ADARB2: variants seen among roughly 807,000 people sequenced by gnomAD.
ADARB2 encodes the protein inactive double-stranded RNA-specific editase B2.
Under a neutral mutation model 62.2 loss-of-function variants are expected in ADARB2, and 25 were observed. That is an observed-to-expected ratio of 0.40 (90% CI 0.29 to 0.56). ADARB2 has a LOEUF of 0.56. Among genes scored for constraint, ADARB2 ranks in the 20% least tolerant of loss-of-function variants. The probability of loss-of-function intolerance (pLI) is 0.43; values close to 1 mark genes in which losing one functional copy is unlikely to be tolerated. For missense variants in ADARB2, 1,071 were observed against 1,077.4 expected (o/e 0.99, Z 0.08); for synonymous variants, 572 against 500.8 (o/e 1.14, Z -1.90).
chr10:1,185,682 A>G (rs1032634670), intron 8 of ADARB2, among the ~76,000 whole-genome samples: 3 of 152,154 alleles, frequency 2.0e-5, no homozygotes, highest in African/African-American at 7.2e-5. Flanking sequence ...TAAACCAAGC[A>G]TGGGTTCGTC....
intron 1 of ADARB2, among the ~76,000 whole-genome samples, chr10:1,475,892 C>T (rs1831393638): frequency 6.6e-6 from 1 of 152,130 alleles, no homozygotes; most frequent in Admixed American, 6.5e-5. Flanking sequence ...TTTTCTAGGC[C>T]ACAGAGGATG....
intron 1 of ADARB2, among the ~76,000 whole-genome samples, chr10:1,635,496 C>G (rs191399295): frequency 9.2e-5 from 14 of 152,294 alleles, no homozygotes; most frequent in Admixed American, 1.3e-4. Context: ...CCCAACAGGT[C>G]CCCTTGAGAT....
intron 4 of ADARB2, among the ~76,000 whole-genome samples, chr10:1,249,123 C>T (rs776387631): frequency 1.3e-5 from 2 of 152,166 alleles, no homozygotes; most frequent in Non-Finnish European, 2.9e-5. Context: ...GGGCTTATTT[C>T]TGAAATGTGA....
chr10:1,573,957 C>T (rs1206804877), intron 1 of ADARB2, among the ~76,000 whole-genome samples: 1 of 152,248 alleles, frequency 6.6e-6, no homozygotes, highest in African/African-American at 2.4e-5. Flanking sequence ...AACTACATCT[C>T]TTAACCTTTT....
At chr10:1,516,395 C>T (rs1478357853) in intron 1 of ADARB2, among the ~76,000 whole-genome samples, 2 of 152,156 alleles carry the variant, frequency 1.3e-5, no homozygotes, top group African/African-American at 4.8e-5. Flanking sequence ...TCAGAGCTTC[C>T]CACCTGCTTG....
intron 1 of ADARB2, among the ~76,000 whole-genome samples, chr10:1,631,781 AT>A (rs1006114808): frequency 2.6e-5 from 4 of 152,194 alleles, no homozygotes; most frequent in East Asian, 3.8e-4. Flanking sequence ...GAAAATATGT[AT>A]TTTTTAAATG....
intron 3 of ADARB2, among the ~76,000 whole-genome samples, chr10:1,277,954 CCTCTTTCTCTCT>C (rs150117685): frequency 0.28 from 42,449 of 150,386 alleles, 6,882 homozygotes; most frequent in South Asian, 0.52. Context: ...CCTTCCTTCC[CCTCTTTCTCTCT>C]CTCTTTCTTT....
intron 1 of ADARB2, among the ~76,000 whole-genome samples, chr10:1,593,901 T>G (rs570383415): frequency 1.3e-5 from 2 of 152,320 alleles, no homozygotes; most frequent in African/African-American, 4.8e-5. Flanking sequence ...ACATGACATC[T>G]TCTGCCCGGC....
At chr10:1,201,444 C>T (rs918880315) in intron 7 of ADARB2, among the ~76,000 whole-genome samples, 8 of 152,340 alleles carry the variant, frequency 5.3e-5, no homozygotes, top group African/African-American at 1.9e-4. Flanking sequence ...GTGGTCATTT[C>T]TACAAGTCAC....
chr10:1,716,165 A>T (rs1043224278), intron 1 of ADARB2, among the ~76,000 whole-genome samples: 1 of 152,168 alleles, frequency 6.6e-6, no homozygotes, highest in Non-Finnish European at 1.5e-5. Context: ...CCGACTGCTT[A>T]CTCAGTTCTC....
At chr10:1,200,189 C>A (rs1425966148) in intron 7 of ADARB2, 42 bp from the exon 8 acceptor site, 1 of 1,550,050 alleles carries the variant, frequency 6.5e-7, no homozygotes, top group Admixed American at 2.0e-5. Flanking sequence ...CACCCAGGAG[C>A]CCAGGGAGCC....
chr10:1,473,386 T>C (rs1831352508), intron 1 of ADARB2, among the ~76,000 whole-genome samples: 2 of 151,994 alleles, frequency 1.3e-5, no homozygotes, highest in South Asian at 4.2e-4. Context: ...TGTTGTTTTG[T>C]TTTGTTTTTT....
chr10:1,505,381 T>G (rs1175839896), intron 1 of ADARB2, among the ~76,000 whole-genome samples: 1 of 146,370 alleles, frequency 6.8e-6, no homozygotes, highest in Non-Finnish European at 1.5e-5. Context: ...GGAGGGTTTT[T>G]GTTTTTTTTT....
chr10:1,316,238 T>C (rs1193742841), intron 3 of ADARB2, among the ~76,000 whole-genome samples: 1 of 152,062 alleles, frequency 6.6e-6, no homozygotes, highest in Non-Finnish European at 1.5e-5. Context: ...CCCACATCCC[T>C]GTGACAGGCG....
intron 1 of ADARB2, among the ~76,000 whole-genome samples, chr10:1,502,517 G>A (rs971623756): frequency 7.2e-5 from 11 of 152,198 alleles, no homozygotes; most frequent in African/African-American, 2.4e-4. Context: ...TCAGTGACAC[G>A]GCAACCCATG....
intron 6 of ADARB2, among the ~76,000 whole-genome samples, chr10:1,229,846 G>GTA (rs1491365414): frequency 9.9e-6 from 1 of 100,864 alleles, no homozygotes; most frequent in African/African-American, 5.0e-5. Context: ...ATGTGCTTAC[G>GTA]TGTGTGTGTG....
intron 1 of ADARB2, among the ~76,000 whole-genome samples, chr10:1,603,549 T>C (rs1450456470): frequency 6.6e-6 from 1 of 152,090 alleles, no homozygotes; most frequent in African/African-American, 2.4e-5. Context: ...AAGGAAGGCC[T>C]GAGTGTCACC....
intron 1 of ADARB2, among the ~76,000 whole-genome samples, chr10:1,529,502 G>T (rs530017699): frequency 6.6e-5 from 10 of 152,074 alleles, no homozygotes; most frequent in African/African-American, 2.4e-4. Context: ...AGTAGCTATG[G>T]CCATCCTTGG....
At chr10:1,514,021 G>C (rs1436960683) in intron 1 of ADARB2, among the ~76,000 whole-genome samples, 2 of 151,306 alleles carry the variant, frequency 1.3e-5, no homozygotes, top group African/African-American at 4.9e-5. Flanking sequence ...TCAGGAGTTA[G>C]AGACCAGTCT....
Sources: gnomAD v4.1 joint callset for allele counts (sites outside exome capture counted in the v4.1 genomes callset) on GRCh38, gnomAD v4.1.1 for gene constraint, MANE v1.5 for transcripts, NCBI Gene and HGNC (gene_info 2026-07-23, HGNC 2026-07-21) for gene names.